The following HIVEP3 variants were observed in gnomAD, a reference collection of about 807,000 sequenced individuals.
HIVEP3 encodes the protein HIVEP zinc finger 3, also known as transcription factor HIVEP3.
Under a neutral mutation model 152.8 loss-of-function variants are expected in HIVEP3, and 49 were observed. That is an observed-to-expected ratio of 0.32 (90% CI 0.26 to 0.41). The LOEUF (loss-of-function observed/expected upper bound fraction) is 0.41. HIVEP3 is among the 10% of genes least tolerant of loss of function. The probability of loss-of-function intolerance (pLI) is 1.00; values close to 1 mark genes in which losing one functional copy is unlikely to be tolerated. For synonymous variants in HIVEP3, 1,269 were observed against 1,289.0 expected, an observed-to-expected ratio of 0.98 and a Z score of 0.33; for missense variants, 2,790 against 3,103.3, an observed-to-expected ratio of 0.90 and a Z score of 2.40.
rs140098635 is a variant in HIVEP3 at position 41,963,653 on chromosome 1, A to C, written n.120-45129T>G. ...ACAAACCTGCACGTTGTGCACATGT[A>C]CCCTAAAACTTAAAGTATAATAAAA... On this transcript the variant is annotated intron_variant and non_coding_transcript_variant, in intron 1 of 3. Transcript: ENST00000489103. Among the ~76,000 whole-genome samples, 1,205 of 152,266 alleles carry C rather than the reference A, an allele frequency of 7.9e-3. 20 individuals carry two copies. The highest frequency in any genetic ancestry group is 0.027 in the African/African-American group (1,115 of 41,542).
rs1237098993 is a variant in HIVEP3, at chr1:41,626,197, CG to C, written c.-522+2551del. On this transcript the variant is annotated intron_variant, in intron 3 of 8. Coordinates refer to ENST00000372583, the MANE Select transcript of HIVEP3 (RefSeq NM_024503.5). ...TGGGCCACCCCGCCCTCCCCAGCAC[CG>C]GGGCGTTTGCAGCACTGCACACCTC... Among the ~76,000 whole-genome samples, 19 of 151,678 alleles carry C rather than the reference CG, an allele frequency of 1.3e-4. No homozygotes were observed. In the East Asian group the frequency reaches 3.3e-3, roughly 26 times the overall value.
chr1:41,738,283 C>T (rs1051915931), intron 1 of HIVEP3, among the ~76,000 whole-genome samples: 14 of 152,190 alleles, frequency 9.2e-5, no homozygotes, highest in Non-Finnish European at 1.8e-4. Context: ...AAATCGCAGG[C>T]ACTGTCGCTG....
intron 1 of HIVEP3, among the ~76,000 whole-genome samples, chr1:41,904,406 A>G (rs1163351334): frequency 2.6e-5 from 4 of 152,124 alleles, no homozygotes; most frequent in Admixed American, 2.6e-4. Context: ...AAAAGTCCAA[A>G]TACCCAGGGC....
intron 1 of HIVEP3, among the ~76,000 whole-genome samples, chr1:41,833,564 C>T (rs1557428770): frequency 6.6e-6 from 1 of 152,218 alleles, no homozygotes; most frequent in Non-Finnish European, 1.5e-5. Context: ...GGACAACTGA[C>T]TCCAAAGTCT....
intron 6 of HIVEP3, 115 bp downstream of exon 6, chr1:41,524,620 G>A: frequency 1.0e-6 from 1 of 966,358 alleles, no homozygotes; most frequent in Non-Finnish European, 1.6e-6. Context: ...CCAGGAAATG[G>A]GGCTGCTCCA....
At chr1:41,557,971 C>T (rs572164131) in intron 5 of HIVEP3, among the ~76,000 whole-genome samples, 17 of 152,264 alleles carry the variant, frequency 1.1e-4, no homozygotes, top group South Asian at 6.2e-4. Flanking sequence ...GTGAGGTAGG[C>T]GCTGTTCTCT....
Position 41,682,722 on chromosome 1 carries a change from C to T in HIVEP3, c.-721+18194G>A, listed in dbSNP as rs113803809. On this transcript the variant is annotated intron_variant, in intron 2 of 8. Transcript: ENST00000372583. ...AAACTCCCTTAGGCCTCTCCACCCT[C>T]CTGCTGCCTCTGAGACCTCAGTAAG... Among the ~76,000 whole-genome samples the T allele has an allele frequency of 2.8e-3, 432 of 152,254 alleles. 4 individuals are homozygous for T. The highest frequency in any genetic ancestry group is 5.0e-3 in the Non-Finnish European group (341 of 68,022).
chr1:41,694,037 C>A (rs1646235577), intron 2 of HIVEP3, among the ~76,000 whole-genome samples: 1 of 152,142 alleles, frequency 6.6e-6, no homozygotes, highest in Non-Finnish European at 1.5e-5. Context: ...GCCATTCATC[C>A]ATGTTTATTT....
In HIVEP3 at chr1:41,513,447, G is replaced by A; in HGVS notation, c.5774C>T (p.Thr1925Ile). 1.9e-6 allele frequency: 3 copies of A among 1,611,910 alleles called. No individual in the cohort carries two copies. The highest frequency in any genetic ancestry group is 2.5e-6 in the Non-Finnish European group (3 of 1,179,668). The change falls in exon 8 of 9, where the codon ACA becomes ATA. Residue 1925 changes from threonine to isoleucine, a missense_variant. Coordinates refer to ENST00000372583, the MANE Select transcript of HIVEP3 (RefSeq NM_024503.5). The part of the protein sequence containing the change: ...GSSVSEAERL[T>I]ASSCSMSSQS... ...GCTGGACATGGAGCAGCTGCTGGCT[G>A]TCAGGCGCTCAGCTTCCGAGACCGA...
chr1:41,580,932 G>A lies in HIVEP3; in HGVS notation c.3866C>T (p.Pro1289Leu), dbSNP rs1171043268. The change falls in exon 4 of 9, where the codon CCT becomes CTT. Residue 1289 changes from proline (P) to leucine (L), a missense_variant. This residue lies in a region of HIVEP3 where 1,078 missense variants were observed against 1,165.3 expected (regional missense o/e 0.93). Coordinates refer to ENST00000372583, the MANE Select transcript of HIVEP3 (RefSeq NM_024503.5). ...TEYSSDIRLP[P>L]VAPPASSSAP... ...TGAGGAGCTGGCTGGGGGAGCCACAGGGGGTAGCCGGATGTCACTGCTGTA... is the reference window on the plus strand; with the variant it reads ...TGAGGAGCTGGCTGGGGGAGCCACAAGGGGTAGCCGGATGTCACTGCTGTA... 5 of 1,612,420 alleles carry A rather than the reference G, an allele frequency of 3.1e-6. No homozygotes were observed. The highest frequency in any genetic ancestry group is 4.2e-6 in the Non-Finnish European group (5 of 1,179,400).
chr1:41,723,364 A>T (rs1646704639), intron 1 of HIVEP3, among the ~76,000 whole-genome samples: 1 of 151,924 alleles, frequency 6.6e-6, no homozygotes, highest in Admixed American at 6.6e-5. Flanking sequence ...CCATTGTTGT[A>T]ACGGAAAGTC....
chr1:41,800,037 G>C (rs1180379437), intron 1 of HIVEP3, among the ~76,000 whole-genome samples: 1 of 152,206 alleles, frequency 6.6e-6, no homozygotes, highest in Non-Finnish European at 1.5e-5. Flanking sequence ...GGCAGGCAGG[G>C]ACAAGAGCAT....
In HIVEP3 at chr1:41,511,507, C is replaced by G. The variant is rs1644455681; in HGVS notation, c.6406-241G>C. 6.6e-6 allele frequency among the ~76,000 whole-genome samples: 1 copy of G among 152,138 alleles called. No individual in the cohort carries two copies. Among genetic ancestry groups the G allele is most frequent in the African/African-American group, 2.4e-5 (1 of 41,422 alleles). ...CATGAGTATGCTCAGGCCCCATGGTCTCCATGCCTCTAGCCAGCATATCTG... is the reference window on the plus strand; with the variant it reads ...CATGAGTATGCTCAGGCCCCATGGTGTCCATGCCTCTAGCCAGCATATCTG... On this transcript the variant is annotated intron_variant, in intron 8 of 8. Transcript: ENST00000372583. This position sits in a 1 kb window ranked among gnomAD's most constrained non-coding sequence, Gnocchi z 4.9.
In HIVEP3 at chr1:41,662,205, C is replaced by A. The variant is rs1570253881; in HGVS notation, c.-720-33258G>T. 1 of 146,452 alleles carries A rather than the reference C, an allele frequency of 6.8e-6. No homozygotes were observed. The highest frequency in any genetic ancestry group is 6.8e-5 in the Admixed American group (1 of 14,760). The allele number at this position is 146,452 out of a possible 1,614,324, so 9.1% of individuals were successfully genotyped here. On this transcript the variant is annotated intron_variant, in intron 2 of 8. Transcript: ENST00000372583. This position sits in a 1 kb window ranked among gnomAD's most constrained non-coding sequence, Gnocchi z 7.2. ...CTGGACTGGGCTGCGCTGGGCTGCG[C>A]GCCCGGCCTCCGCGCGGCTCGGCAG...
At chr1:41,912,795 ACAGT>A (rs1301108484) in intron 1 of HIVEP3, among the ~76,000 whole-genome samples, 2 of 152,214 alleles carry the variant, frequency 1.3e-5, no homozygotes, top group Admixed American at 6.5e-5. Flanking sequence ...AGATTTGCTG[ACAGT>A]CAGGGGAAGT....
chr1:41,902,837 G>T (rs530207223), intron 1 of HIVEP3, among the ~76,000 whole-genome samples: 1 of 152,158 alleles, frequency 6.6e-6, no homozygotes, highest in Non-Finnish European at 1.5e-5. Context: ...TTTCTATTCC[G>T]GTAAAGAATC....
At chr1:41,982,743 C>A (rs1305064867) in intron 1 of HIVEP3, among the ~76,000 whole-genome samples, 1 of 152,080 alleles carries the variant, frequency 6.6e-6, no homozygotes, top group Admixed American at 6.6e-5. Flanking sequence ...ATTAAATCTG[C>A]CAATTTTTAA....
intron 2 of HIVEP3, among the ~76,000 whole-genome samples, chr1:41,686,196 C>T (rs548422798): frequency 6.6e-6 from 1 of 152,064 alleles, no homozygotes; most frequent in Admixed American, 6.6e-5. Flanking sequence ...CTCAGTCTCC[C>T]GAGTAGCTGG....
chr1:41,578,513 G>A (rs1369651674), intron 4 of HIVEP3, among the ~76,000 whole-genome samples: 1 of 152,184 alleles, frequency 6.6e-6, no homozygotes, highest in African/African-American at 2.4e-5. Flanking sequence ...GGGAAGATAT[G>A]AGAGCACAGG....
Sources: allele counts gnomAD v4.1 joint callset (sites outside exome capture counted in the v4.1 genomes callset), GRCh38; gene constraint gnomAD v4.1.1; regional missense constraint gnomAD v4.1.1; non-coding constraint Gnocchi (gnomAD v3.1); transcripts MANE v1.5; gene names NCBI Gene and HGNC (gene_info 2026-07-23, HGNC 2026-07-21).